PIK3CD: variants seen among roughly 807,000 people sequenced by gnomAD.
The protein encoded by PIK3CD is phosphatidylinositol-4,5-bisphosphate 3-kinase catalytic subunit delta.
A neutral mutation model predicts 122.9 loss-of-function variants in PIK3CD; 20 were observed. The ratio of observed to expected loss-of-function variants is 0.16; its 90% CI spans 0.11 to 0.24. The LOEUF (loss-of-function observed/expected upper bound fraction) is 0.24, where lower values mean the gene tolerates loss of function less well. Among genes scored for constraint, PIK3CD ranks in the 10% least tolerant of loss-of-function variants. PIK3CD has a pLI of 1.00. For synonymous variants in PIK3CD, 596 were observed against 593.4 expected (o/e 1.00, Z -0.06); for missense variants, 787 against 1,406.3 (o/e 0.56, Z 7.04).
chr1:9,649,284 G>T (rs1333791421), upstream of PIK3CD, among the ~76,000 whole-genome samples: 1 of 151,364 alleles, frequency 6.6e-6, no homozygotes, highest in Admixed American at 6.6e-5. Flanking sequence ...AGGCTGGAGT[G>T]CAGTGGCACA....
the PIK3CD span, among the ~76,000 whole-genome samples, chr1:9,632,658 A>T: frequency 6.6e-6 from 1 of 152,154 alleles, no homozygotes; most frequent in South Asian, 2.1e-4. Context: ...TCAATTGAAC[A>T]TTAGGAACAA....
chr1:9,677,222 G>A (rs753617165), intron 1 of PIK3CD, among the ~76,000 whole-genome samples: 6 of 152,148 alleles, frequency 3.9e-5, no homozygotes, highest in Non-Finnish European at 8.8e-5. Context: ...GACACTTGAC[G>A]GGGGGACTGC....
Position 9,715,585 on chromosome 1 carries a change from C to T in PIK3CD, c.186C>T (p.Leu62=). 1.2e-6 allele frequency: 2 copies of T among 1,613,780 alleles called. No individual in the cohort carries two copies. Among genetic ancestry groups the T allele is most frequent in the Non-Finnish European group, 1.7e-6 (2 of 1,180,040 alleles). Residue 62 remains leucine, a synonymous_variant, in exon 4 of 24, where the codon CTC becomes CTT. Coordinates refer to ENST00000377346, the MANE Select transcript of PIK3CD (RefSeq NM_005026.5). The surrounding 1 kb of genome is among the most constrained non-coding windows in gnomAD (Gnocchi z 4.1). ...AGTATGAGCCGCTCTTCCACATGCTCAGTGGCCCCGAGGCCTATGTGTTCA... is the reference window on the plus strand; with the variant it reads ...AGTATGAGCCGCTCTTCCACATGCTTAGTGGCCCCGAGGCCTATGTGTTCA... ...RAQYEPLFHM[L]SGPEAYVFTC...
intron 1 of PIK3CD, among the ~76,000 whole-genome samples, chr1:9,665,156 A>G (rs1221168996): frequency 6.8e-6 from 1 of 148,106 alleles, no homozygotes; most frequent in Non-Finnish European, 1.5e-5. Flanking sequence ...GTGAGCCGTG[A>G]TCGCACTAAT....
chr1:9,668,957 G>A (rs542555818), intron 1 of PIK3CD, among the ~76,000 whole-genome samples: 11 of 152,070 alleles, frequency 7.2e-5, no homozygotes, highest in Non-Finnish European at 1.6e-4. Flanking sequence ...TGGAAATGGG[G>A]GCTAAGGACT....
the PIK3CD span, among the ~76,000 whole-genome samples, chr1:9,639,351 C>T: frequency 2.6e-5 from 4 of 151,834 alleles, no homozygotes; most frequent in Admixed American, 6.6e-5. Context: ...GCAGGAGCAC[C>T]CTAGGTAGTG....
chr1:9,659,897 C>T (rs954339788), intron 1 of PIK3CD, among the ~76,000 whole-genome samples: 11 of 152,032 alleles, frequency 7.2e-5, no homozygotes, highest in African/African-American at 1.4e-4. Flanking sequence ...ATTACAGGTA[C>T]GCACCACCAC....
intron 1 of PIK3CD, among the ~76,000 whole-genome samples, chr1:9,664,651 C>T (rs1286437814): frequency 6.6e-6 from 1 of 152,214 alleles, no homozygotes; most frequent in Non-Finnish European, 1.5e-5. Context: ...GCCACCACCC[C>T]AGCAGCTCTC....
At chr1:9,707,968 G>A (rs1009408765) in intron 2 of PIK3CD, among the ~76,000 whole-genome samples, 2 of 151,186 alleles carry the variant, frequency 1.3e-5, no homozygotes, top group African/African-American at 2.4e-5. Flanking sequence ...TAATTTTTTT[G>A]TATTTTTAGT....
At chr1:9,666,949 T>G (rs1645179217) in intron 1 of PIK3CD, among the ~76,000 whole-genome samples, 1 of 151,752 alleles carries the variant, frequency 6.6e-6, no homozygotes, top group South Asian at 2.1e-4. Context: ...CACTGCAACC[T>G]CTGCCTCCTG....
At chr1:9,707,397 G>A (rs1646880245) in intron 2 of PIK3CD, among the ~76,000 whole-genome samples, 1 of 147,576 alleles carries the variant, frequency 6.8e-6, no homozygotes, top group East Asian at 2.0e-4. Context: ...TCAGGGGTAC[G>A]TTGCAGGTTT....
chr1:9,653,843 G>A, intron 1 of PIK3CD: 2 of 1,367,600 alleles, frequency 1.5e-6, no homozygotes, highest in Non-Finnish European at 2.0e-6. Context: ...GGCTTCCTGG[G>A]CTTGGTCCTC....
chr1:9,712,833 C>T lies in PIK3CD; in HGVS notation c.141+2237C>T, dbSNP rs148410773. On this transcript the variant is annotated intron_variant, in intron 3 of 23. Coordinates refer to ENST00000377346, the MANE Select transcript of PIK3CD (RefSeq NM_005026.5). ...GGAGAATTGCTTGAGCCCAGGAGTT[C>T]GAGACCAGCCTGGGTAACATGACAA... Among the ~76,000 whole-genome samples, 813 of 150,920 alleles carry T rather than the reference C, an allele frequency of 5.4e-3. 18 individuals are homozygous for T. Among genetic ancestry groups the T allele is most frequent in the East Asian group, 0.045 (226 of 5,058 alleles).
chr1:9,637,616 G>A, the PIK3CD span, among the ~76,000 whole-genome samples: 1 of 152,094 alleles, frequency 6.6e-6, no homozygotes, highest in Non-Finnish European at 1.5e-5. Context: ...CTCTCTGGAG[G>A]CTGTAGGGAA....
In PIK3CD at chr1:9,720,774, G is replaced by A. The variant is rs1648488836; in HGVS notation, c.1554G>A (p.Arg518=). The part of the protein sequence containing the change: ...QLQLREILER[R]GSGELYEHEK... ...AGCTGCGGGAAATCCTGGAGCGGCG[G>A]GGGTCTGGGGAGCTGTATGAGCACG... Residue 518 remains arginine (R), a synonymous_variant, in exon 13 of 24, where the codon CGG becomes CGA. Coordinates refer to ENST00000377346, the MANE Select transcript of PIK3CD (RefSeq NM_005026.5). The surrounding 1 kb of genome is among the most constrained non-coding windows in gnomAD (Gnocchi z 9.0). 6.2e-7 allele frequency: 1 copy of A among 1,612,756 alleles called. No homozygotes were observed. The highest frequency in any genetic ancestry group is 1.3e-5 in the African/African-American group (1 of 74,984).
intron 1 of PIK3CD, among the ~76,000 whole-genome samples, chr1:9,676,501 C>T (rs530272680): frequency 2.4e-4 from 36 of 152,332 alleles, no homozygotes; most frequent in Admixed American, 2.2e-3. Flanking sequence ...GCCCATTCTC[C>T]CCAATGCCAG....
chr1:9,696,279 T>G (rs752499350), intron 2 of PIK3CD, among the ~76,000 whole-genome samples: 9 of 151,064 alleles, frequency 6.0e-5, no homozygotes, highest in Non-Finnish European at 8.8e-5. Context: ...GCCCACAAAC[T>G]CATTTTCTAA....
At chr1:9,668,796 G>A (rs544024854) in intron 1 of PIK3CD, among the ~76,000 whole-genome samples, 6 of 152,242 alleles carry the variant, frequency 3.9e-5, no homozygotes, top group Middle Eastern at 6.8e-3. Context: ...CTGTGTCCTC[G>A]GCTGGCTGAC....
At chr1:9,707,833 G>A (rs1399821017) in intron 2 of PIK3CD, among the ~76,000 whole-genome samples, 4 of 147,756 alleles carry the variant, frequency 2.7e-5, no homozygotes, top group Middle Eastern at 3.5e-3. Flanking sequence ...TCAGTCTGTC[G>A]CCCAGGCTAG....
Sources: allele counts gnomAD v4.1 joint callset (sites outside exome capture counted in the v4.1 genomes callset), GRCh38; gene constraint gnomAD v4.1.1; non-coding constraint Gnocchi (gnomAD v3.1); transcripts MANE v1.5; gene names NCBI Gene and HGNC (gene_info 2026-07-23, HGNC 2026-07-21).